Variants in DAB1 observed in about 807,000 individuals in gnomAD.
DAB1 encodes the protein DAB adaptor protein 1, also known as disabled homolog 1.
A neutral mutation model predicts 64.6 loss-of-function variants in DAB1; 15 were observed. That is an observed-to-expected ratio of 0.23 (90% CI 0.16 to 0.36). DAB1 has a LOEUF of 0.36. DAB1 is among the 10% of genes least tolerant of loss of function. The probability of loss-of-function intolerance (pLI) is 1.00; values close to 1 mark genes in which losing one functional copy is unlikely to be tolerated. For synonymous variants in DAB1, 235 were observed against 251.9 expected, an observed-to-expected ratio of 0.93 and a Z score of 0.64; for missense variants, 596 against 706.7, an observed-to-expected ratio of 0.84 and a Z score of 1.78.
intron 5 of DAB1, among the ~76,000 whole-genome samples, chr1:57,971,300 T>C (rs939577555): frequency 1.3e-5 from 2 of 152,234 alleles, no homozygotes; most frequent in Admixed American, 6.5e-5. Context: ...TCTCTACTTA[T>C]GAGTGTCTTG....
In DAB1 at chr1:57,656,647, G is replaced by A. The variant is rs78909511; in HGVS notation, n.552-6982C>T. ...AACCACAGAAATAAGCTGTTCATAG[G>A]TACTACAGAGTAAACGTTTTAATAA... On this transcript the variant is annotated intron_variant and non_coding_transcript_variant, in intron 6 of 20. Transcript: ENST00000485760. Among the ~76,000 whole-genome samples, 848 of 152,228 alleles carry A rather than the reference G, an allele frequency of 5.6e-3. 9 individuals are homozygous for A. The highest frequency in any genetic ancestry group is 0.019 in the African/African-American group (786 of 41,522).
chr1:57,033,593 T>A, intron 9 of DAB1: 1 of 1,604,500 alleles, frequency 6.2e-7, no homozygotes, highest in Non-Finnish European at 8.5e-7. Context: ...GAAGGGATGA[T>A]GAATGAGGAT....
chr1:58,173,169 T>C (rs1656272863), intron 4 of DAB1, among the ~76,000 whole-genome samples: 2 of 152,212 alleles, frequency 1.3e-5, no homozygotes, highest in African/African-American at 4.8e-5. Flanking sequence ...AGCCCCAGTA[T>C]TCCCCAACTG....
intron 5 of DAB1, among the ~76,000 whole-genome samples, chr1:57,893,186 T>C (rs78639161): frequency 0.051 from 7,687 of 152,122 alleles, 651 homozygotes; most frequent in African/African-American, 0.18. Context: ...CAAGAGAATA[T>C]TATATTTCAG....
chr1:58,072,642 G>A (rs1649349338), intron 5 of DAB1, among the ~76,000 whole-genome samples: 1 of 152,198 alleles, frequency 6.6e-6, no homozygotes, highest in Non-Finnish European at 1.5e-5. Flanking sequence ...CATTTTTTGA[G>A]ATGAGGAAAT....
rs530943034 is a variant in DAB1, at chr1:57,520,342, C to A, written n.625+129250G>T. 2.0e-5 allele frequency among the ~76,000 whole-genome samples: 3 copies of A among 152,234 alleles called. No individual in the cohort carries two copies. The East Asian group carries it at 5.8e-4, about 29-fold the overall frequency. On this transcript the variant is annotated intron_variant and non_coding_transcript_variant, in intron 7 of 20. Coordinates refer to the DAB1 transcript ENST00000485760. ...TACCAATAAGCTACCAGTTTCTATT[C>A]TGATATGGTTTCTGCACTGGTAGAG...
At chr1:57,399,000 T>C (rs1009890831) in intron 1 of DAB1, among the ~76,000 whole-genome samples, 7 of 152,230 alleles carry the variant, frequency 4.6e-5, no homozygotes, top group Non-Finnish European at 5.9e-5. Context: ...GGGCTTTTGT[T>C]TATAAATGGG....
intron 1 of DAB1, among the ~76,000 whole-genome samples, chr1:57,339,560 T>C (rs779539757): frequency 2.0e-5 from 3 of 152,206 alleles, no homozygotes; most frequent in East Asian, 1.9e-4. Context: ...CACTTAAGAA[T>C]GTAAAGTGGA....
intron 5 of DAB1, among the ~76,000 whole-genome samples, chr1:57,949,766 C>A (rs1645244133): frequency 6.6e-6 from 1 of 152,076 alleles, no homozygotes; most frequent in Admixed American, 6.5e-5. Flanking sequence ...TAATTTTCAT[C>A]TCTCTTTATA....
intron 6 of DAB1, among the ~76,000 whole-genome samples, chr1:57,675,219 T>C (rs561307818): frequency 2.6e-5 from 4 of 152,298 alleles, no homozygotes; most frequent in African/African-American, 9.6e-5. Flanking sequence ...GATTTGGGGA[T>C]ATTTTATTTC....
chr1:57,077,805 C>T (rs12026247), intron 4 of DAB1, among the ~76,000 whole-genome samples: 31,138 of 151,720 alleles, frequency 0.21, 3,699 homozygotes, highest in East Asian at 0.48. Context: ...ATAAATTCTA[C>T]CCTATTTAGC....
intron 1 of DAB1, among the ~76,000 whole-genome samples, chr1:57,348,997 C>A (rs1485073025): frequency 6.6e-6 from 1 of 152,112 alleles, no homozygotes; most frequent in African/African-American, 2.4e-5. Flanking sequence ...AATTCAAGCC[C>A]ATTTCCTTCC....
chr1:57,674,718 C>T (rs150241937), intron 6 of DAB1, among the ~76,000 whole-genome samples: 2 of 152,240 alleles, frequency 1.3e-5, no homozygotes, highest in African/African-American at 4.8e-5. Context: ...ACTATTTCGG[C>T]CTCTGTCTTT....
chr1:57,620,052 A>G (rs569792100), intron 7 of DAB1, among the ~76,000 whole-genome samples: 1 of 152,278 alleles, frequency 6.6e-6, no homozygotes, highest in East Asian at 1.9e-4. Flanking sequence ...TTACTTCGTT[A>G]CTATCTGCCT....
chr1:58,132,232 C>CAGGTG (rs1653649121), intron 5 of DAB1, among the ~76,000 whole-genome samples: 1 of 152,178 alleles, frequency 6.6e-6, no homozygotes, highest in African/African-American at 2.4e-5. Context: ...CAGGTGCGGT[C>CAGGTG]CGTCAGCGAT....
chr1:57,827,288 G>C (rs1338475422), intron 1 of DAB1, among the ~76,000 whole-genome samples: 1 of 152,154 alleles, frequency 6.6e-6, no homozygotes, highest in East Asian at 1.9e-4. Flanking sequence ...CTGTACTATA[G>C]AAAATCAACT....
At chr1:58,487,091 G>A (rs1015828350) in intron 3 of DAB1, among the ~76,000 whole-genome samples, 2 of 152,214 alleles carry the variant, frequency 1.3e-5, no homozygotes, top group Non-Finnish European at 2.9e-5. Context: ...GAGGTGAAAC[G>A]TGACATCGTG....
At chr1:58,376,019 G>A (rs376921825) in intron 3 of DAB1, among the ~76,000 whole-genome samples, 25 of 151,038 alleles carry the variant, frequency 1.7e-4, no homozygotes, top group South Asian at 4.2e-4. Flanking sequence ...CTGTGGGATC[G>A]GTGGTGATAT....
chr1:57,213,751 C>A (rs898669569), intron 2 of DAB1, among the ~76,000 whole-genome samples: 4 of 152,172 alleles, frequency 2.6e-5, no homozygotes, highest in African/African-American at 9.6e-5. Flanking sequence ...TGAAGTAGTT[C>A]AACCAACCCA....
Sources: gnomAD v4.1 joint callset for allele counts (sites outside exome capture counted in the v4.1 genomes callset) on GRCh38, gnomAD v4.1.1 for gene constraint, MANE v1.5 for transcripts, NCBI Gene and HGNC (gene_info 2026-07-23, HGNC 2026-07-21) for gene names.